PDE10A: variants seen among roughly 807,000 people sequenced by gnomAD.
PDE10A encodes phosphodiesterase 10A, also known as cAMP and cAMP-inhibited cGMP 3',5'-cyclic phosphodiesterase 10A.
PDE10A carries 39 observed loss-of-function variants against 97.7 expected under a neutral mutation model. That is an observed-to-expected ratio of 0.40 (90% CI 0.31 to 0.52). The LOEUF (loss-of-function observed/expected upper bound fraction) is 0.52. PDE10A is among the 20% of genes least tolerant of loss of function. The pLI is 0.56. For missense variants in PDE10A, 731 were observed against 1,047.8 expected (o/e 0.70, Z 4.17); for synonymous variants, 371 against 376.8 (o/e 0.98, Z 0.18).
intron 1 of PDE10A, among the ~76,000 whole-genome samples, chr6:165,764,993 A>G (rs1435967679): frequency 6.6e-6 from 1 of 152,118 alleles, no homozygotes; most frequent in Non-Finnish European, 1.5e-5. Flanking sequence ...CCATCAGATT[A>G]GTTAGATACA....
At chr6:165,422,181 G>A (rs557364339) in intron 10 of PDE10A, among the ~76,000 whole-genome samples, 8 of 152,252 alleles carry the variant, frequency 5.3e-5, no homozygotes, top group African/African-American at 1.9e-4. Flanking sequence ...CTGAAAAGGA[G>A]TTAAAAATAT....
chr6:165,492,363 C>G (rs1780276154), intron 2 of PDE10A, among the ~76,000 whole-genome samples: 1 of 152,068 alleles, frequency 6.6e-6, no homozygotes, highest in Non-Finnish European at 1.5e-5. Context: ...TCTGTGAAGC[C>G]AGTATCACCC....
chr6:165,960,573 GTCTTGAA>G (rs1784325522), intron 1 of PDE10A, among the ~76,000 whole-genome samples: 1 of 152,228 alleles, frequency 6.6e-6, no homozygotes, highest in South Asian at 2.1e-4. Flanking sequence ...CAAGCCTGTA[GTCTTGAA>G]AGGAGGAGAG....
chr6:165,935,079 G>C (rs950665730), intron 1 of PDE10A, among the ~76,000 whole-genome samples: 2 of 152,212 alleles, frequency 1.3e-5, no homozygotes, highest in African/African-American at 4.8e-5. Context: ...ACAGTCTAGT[G>C]CTGGGTATAG....
At chr6:165,609,410 G>A (rs1004204980) in intron 1 of PDE10A, among the ~76,000 whole-genome samples, 1 of 152,144 alleles carries the variant, frequency 6.6e-6, no homozygotes, top group Non-Finnish European at 1.5e-5. Context: ...CATACTGAAT[G>A]GGCAAAAACT....
chr6:165,764,729 C>T (rs1293812656), intron 1 of PDE10A, among the ~76,000 whole-genome samples: 5 of 152,152 alleles, frequency 3.3e-5, no homozygotes, highest in Non-Finnish European at 7.3e-5. Flanking sequence ...AGTGTTACAG[C>T]TCATAAAGGC....
intron 2 of PDE10A, among the ~76,000 whole-genome samples, chr6:165,533,492 T>C (rs957088573): frequency 7.9e-5 from 12 of 152,182 alleles, no homozygotes; most frequent in African/African-American, 2.7e-4. Context: ...AGAAAAGATA[T>C]GGCATTACAG....
At chr6:165,767,253 A>G (rs2128459194) in intron 1 of PDE10A, among the ~76,000 whole-genome samples, 1 of 152,376 alleles carries the variant, frequency 6.6e-6, no homozygotes, top group East Asian at 1.9e-4. Flanking sequence ...GTTTATGTAA[A>G]TGTATACTTG....
chr6:165,744,461 GT>G (rs1792799445), intron 1 of PDE10A, among the ~76,000 whole-genome samples: 1 of 151,812 alleles, frequency 6.6e-6, no homozygotes, highest in Non-Finnish European at 1.5e-5. Flanking sequence ...TGTATTATTG[GT>G]GATATAAATA....
intron 1 of PDE10A, among the ~76,000 whole-genome samples, chr6:165,585,948 A>T (rs773087190): frequency 5.9e-5 from 9 of 152,032 alleles, no homozygotes; most frequent in Non-Finnish European, 1.0e-4. Flanking sequence ...TGGACTCTTG[A>T]CCAGCTGCCG....
intron 1 of PDE10A, among the ~76,000 whole-genome samples, chr6:165,874,033 C>A (rs1171385751): frequency 1.3e-5 from 2 of 152,274 alleles, no homozygotes; most frequent in African/African-American, 2.4e-5. Context: ...CAAGTCCCAG[C>A]AAACAACATT....
At position 165,424,875 on chromosome 6, in the gene PDE10A, C is replaced by T. The variant is rs1214475769; in HGVS notation, c.1653+3783G>A. Among the ~76,000 whole-genome samples, 2 of 152,036 alleles carry T rather than the reference C, an allele frequency of 1.3e-5. 1 individual carries two copies. The highest frequency in any genetic ancestry group is 4.8e-5 in the African/African-American group (2 of 41,398). Reference sequence around the variant, plus strand: ...ATAATACCCAACACCAAATCAGATGCAAACTCACAGAAAATTAGGAATAGA... The same window carrying T: ...ATAATACCCAACACCAAATCAGATGTAAACTCACAGAAAATTAGGAATAGA... On this transcript the variant is annotated intron_variant, in intron 10 of 21. Transcript: ENST00000539869.
chr6:165,846,501 G>A (rs1780423045), intron 1 of PDE10A, among the ~76,000 whole-genome samples: 1 of 152,252 alleles, frequency 6.6e-6, no homozygotes, highest in Admixed American at 6.5e-5. Context: ...GGGCCAAGAA[G>A]GATGTTAGAG....
At chr6:165,877,814 T>C (rs899654565) in intron 1 of PDE10A, among the ~76,000 whole-genome samples, 67 of 152,212 alleles carry the variant, frequency 4.4e-4, no homozygotes, top group African/African-American at 1.6e-3. Flanking sequence ...AAACGCTTTA[T>C]ATCTTATAAA....
At chr6:165,518,117 T>C (rs1781921528) in intron 2 of PDE10A, among the ~76,000 whole-genome samples, 1 of 152,216 alleles carries the variant, frequency 6.6e-6, no homozygotes, top group Admixed American at 6.5e-5. Context: ...AACACTCTGA[T>C]GTTGCTAGAA....
At chr6:165,806,039 TATTA>T in intron 1 of PDE10A, among the ~76,000 whole-genome samples, 1 of 101,208 alleles carries the variant, frequency 9.9e-6, no homozygotes, top group Non-Finnish European at 1.8e-5. Flanking sequence ...GTTGCTTGAT[TATTA>T]AAAAAAAAAA....
At chr6:165,771,817 T>A (rs565964028) in intron 1 of PDE10A, among the ~76,000 whole-genome samples, 14 of 152,230 alleles carry the variant, frequency 9.2e-5, no homozygotes, top group African/African-American at 3.4e-4. Flanking sequence ...CACAGCGACA[T>A]TTTGGATGAA....
chr6:165,527,030 A>G (rs1029065385), intron 2 of PDE10A, among the ~76,000 whole-genome samples: 1 of 152,236 alleles, frequency 6.6e-6, no homozygotes, highest in Non-Finnish European at 1.5e-5. Flanking sequence ...CTTATTGGTA[A>G]GACATTTGTG....
At chr6:165,457,047 G>T (rs1176804863) in intron 3 of PDE10A, among the ~76,000 whole-genome samples, 1 of 152,090 alleles carries the variant, frequency 6.6e-6, no homozygotes, top group African/African-American at 2.4e-5. Context: ...TGTTATGAAA[G>T]GCAAAGCTGA....
Sources: gnomAD v4.1 joint callset for allele counts (sites outside exome capture counted in the v4.1 genomes callset) on GRCh38, gnomAD v4.1.1 for gene constraint, MANE v1.5 for transcripts, NCBI Gene and HGNC (gene_info 2026-07-23, HGNC 2026-07-21) for gene names.